The following RBMS3 variants were observed in gnomAD, a reference collection of about 807,000 sequenced individuals.
RBMS3 encodes the protein RNA-binding motif, single-stranded-interacting protein 3.
Under a neutral mutation model 66.8 loss-of-function variants are expected in RBMS3, and 27 were observed. The observed-to-expected ratio is 0.40, with a 90% CI of 0.30 to 0.56. RBMS3 has a LOEUF of 0.56. Ranked by LOEUF, RBMS3 falls within the 20% of genes least tolerant of loss-of-function variation. RBMS3 has a pLI of 0.40. For synonymous variants in RBMS3, 188 were observed against 183.0 expected, an observed-to-expected ratio of 1.03 and a Z score of -0.22; for missense variants, 513 against 549.5, an observed-to-expected ratio of 0.93 and a Z score of 0.66.
At chr3:29,298,891 GT>G (rs1212773542) in intron 1 of RBMS3, among the ~76,000 whole-genome samples, 1 of 151,868 alleles carries the variant, frequency 6.6e-6, no homozygotes, top group Non-Finnish European at 1.5e-5. Context: ...ATCAATACAT[GT>G]TTCTGGAGCT....
intron 2 of RBMS3, among the ~76,000 whole-genome samples, chr3:29,457,827 CT>C (rs36020077): frequency 0.24 from 34,183 of 140,652 alleles, 4,305 homozygotes; most frequent in Admixed American, 0.38. Context: ...TCAATTTGCA[CT>C]TTTTTTTTTT....
chr3:29,549,911 C>A (rs1158811275), intron 3 of RBMS3, among the ~76,000 whole-genome samples: 1 of 151,904 alleles, frequency 6.6e-6, no homozygotes. Context: ...CTCTCTTGTC[C>A]TATTGCTTAT....
At chr3:29,921,023 T>A (rs2060762984) in intron 10 of RBMS3, among the ~76,000 whole-genome samples, 1 of 152,152 alleles carries the variant, frequency 6.6e-6, no homozygotes, top group African/African-American at 2.4e-5. Flanking sequence ...GTCTAGCCTA[T>A]GAAGAAATCA....
Position 29,973,967 on chromosome 3 carries a change from T to G in RBMS3, c.1099-14176T>G, listed in dbSNP as rs576547322. On this transcript the variant is annotated intron_variant, in intron 12 of 14. Transcript: ENST00000383767. ...TAGTAAAAGATAGTAATCACTGTCT[T>G]TCCTGTGCTTCACCTACCCTGGCTA... 2.3e-3 allele frequency among the ~76,000 whole-genome samples: 346 copies of G among 152,050 alleles called. 3 individuals are homozygous for G. Among genetic ancestry groups the G allele is most frequent in the Non-Finnish European group, 3.5e-3 (236 of 67,864 alleles).
At chr3:29,770,940 A>G (rs1438786854) in intron 6 of RBMS3, among the ~76,000 whole-genome samples, 1 of 152,080 alleles carries the variant, frequency 6.6e-6, no homozygotes, top group African/African-American at 2.4e-5. Context: ...AGTATTCTGA[A>G]TTAAATACTT....
chr3:29,834,837 C>A (rs2058464753), intron 6 of RBMS3, among the ~76,000 whole-genome samples: 1 of 151,926 alleles, frequency 6.6e-6, no homozygotes. Flanking sequence ...AAAATATACA[C>A]AGAGTGGCCA....
chr3:29,816,411 T>C (rs2057905072), intron 6 of RBMS3, among the ~76,000 whole-genome samples: 1 of 151,942 alleles, frequency 6.6e-6, no homozygotes. Flanking sequence ...AGCTGGGAAA[T>C]GTAATCTGGT....
chr3:29,466,700 C>T (rs193166496), intron 2 of RBMS3, among the ~76,000 whole-genome samples: 15 of 152,224 alleles, frequency 9.9e-5, no homozygotes, highest in African/African-American at 2.6e-4. Flanking sequence ...GGAGGCTGAA[C>T]GGCATGTCAA....
intron 1 of RBMS3, among the ~76,000 whole-genome samples, chr3:29,345,317 A>ATTT (rs2036510153): frequency 1.3e-5 from 2 of 152,212 alleles, no homozygotes; most frequent in South Asian, 4.1e-4. Flanking sequence ...GTCTCTTGAA[A>ATTT]ACTCATGGCT....
chr3:29,384,417 C>CAGTAATAAT (rs1553642665), intron 1 of RBMS3, among the ~76,000 whole-genome samples: 2 of 137,414 alleles, frequency 1.5e-5, no homozygotes, highest in African/African-American at 5.4e-5. Context: ...ACATATACAC[C>CAGTAATAAT]AATAATAATA....
At chr3:29,425,212 A>C (rs1393334247) in intron 1 of RBMS3, among the ~76,000 whole-genome samples, 8 of 103,436 alleles carry the variant, frequency 7.7e-5, no homozygotes, top group African/African-American at 1.9e-4. Flanking sequence ...CCCCCCAAAA[A>C]AAACAAAAAA....
chr3:29,587,270 G>A (rs2047566097), intron 4 of RBMS3, 65 bp downstream of exon 4: 24 of 864,110 alleles, frequency 2.8e-5, no homozygotes, highest in Non-Finnish European at 3.6e-5. Context: ...GTGTGTGTGT[G>A]TGTGTGTGAA....
intron 1 of RBMS3, among the ~76,000 whole-genome samples, chr3:29,342,650 A>G (rs2036342746): frequency 1.3e-5 from 2 of 152,180 alleles, no homozygotes; most frequent in African/African-American, 4.8e-5. Flanking sequence ...ATTTATTTCC[A>G]TAGTTATAAA....
intron 3 of RBMS3, among the ~76,000 whole-genome samples, chr3:29,510,603 A>G (rs891176522): frequency 6.6e-6 from 1 of 152,092 alleles, no homozygotes; most frequent in African/African-American, 2.4e-5. Context: ...TTGCATTCTA[A>G]TTGAGCATCT....
intron 6 of RBMS3, among the ~76,000 whole-genome samples, chr3:29,772,213 C>T (rs1168469969): frequency 6.6e-6 from 1 of 152,016 alleles, no homozygotes; most frequent in African/African-American, 2.4e-5. Flanking sequence ...GCCTTGCTGA[C>T]ACCTTGATTT....
intron 4 of RBMS3, among the ~76,000 whole-genome samples, chr3:29,627,694 T>C (rs950024983): frequency 6.6e-6 from 1 of 152,186 alleles, no homozygotes; most frequent in Non-Finnish European, 1.5e-5. Context: ...TTTCCTCCTA[T>C]AGACTGTGAG....
At chr3:29,712,782 A>AACTT (rs1174374967) in intron 4 of RBMS3, among the ~76,000 whole-genome samples, 1 of 152,082 alleles carries the variant, frequency 6.6e-6, no homozygotes, top group Non-Finnish European at 1.5e-5. Flanking sequence ...TGGACATCAG[A>AACTT]ACTTCAGGTT....
In RBMS3 at chr3:30,008,171, G is replaced by C. The variant is rs963228035; in HGVS notation, c.*4309G>C. The C allele has an allele frequency of 8.6e-5, 13 of 151,754 alleles. No homozygotes were observed. The highest frequency in any genetic ancestry group is 3.1e-4 in the African/African-American group (13 of 41,298). The allele number at this position is 151,754 out of a possible 1,614,324, so 9.4% of individuals were successfully genotyped here. ...GGCCTAAAACCCCTATTAATGAAAAGTGAAATTTGATTTAATTAGGACTCT... is the reference window on the plus strand; with the variant it reads ...GGCCTAAAACCCCTATTAATGAAAACTGAAATTTGATTTAATTAGGACTCT... On this transcript the variant is annotated 3_prime_UTR_variant, in exon 15 of 15. Coordinates refer to ENST00000383767, the MANE Select transcript of RBMS3 (RefSeq NM_001003793.3).
intron 12 of RBMS3, among the ~76,000 whole-genome samples, chr3:29,959,895 A>G (rs907638428): frequency 2.4e-4 from 36 of 152,144 alleles, no homozygotes; most frequent in African/African-American, 8.4e-4. Flanking sequence ...TCCTTCCTGC[A>G]ACATGGGATT....
Sources: gnomAD v4.1 joint callset for allele counts (sites outside exome capture counted in the v4.1 genomes callset) on GRCh38, gnomAD v4.1.1 for gene constraint, MANE v1.5 for transcripts, NCBI Gene and HGNC (gene_info 2026-07-23, HGNC 2026-07-21) for gene names.